NRL: variants seen among roughly 807,000 people sequenced by gnomAD.
NRL encodes neural retina leucine zipper.
A neutral mutation model predicts 12.5 loss-of-function variants in NRL; 16 were observed. The ratio of observed to expected loss-of-function variants is 1.28; its 90% CI spans 0.87 to 1.95. The LOEUF (loss-of-function observed/expected upper bound fraction) is 1.95. Among genes scored for constraint, NRL ranks in the 30% most tolerant of loss-of-function variants. NRL has a pLI of 0.00. For synonymous variants in NRL, 142 were observed against 150.9 expected (o/e 0.94, Z 0.43); for missense variants, 314 against 325.8 (o/e 0.96, Z 0.28).
At position 24,114,764 on chromosome 14, in the gene NRL, G is replaced by A; in HGVS notation, c.-70C>T. The A allele has an allele frequency of 2.0e-6, 2 of 985,960 alleles. No individual in the cohort carries two copies. The allele number at this position is 985,960 out of a possible 1,614,324, so 61.1% of individuals were successfully genotyped here. A position where few individuals can be genotyped will look rare whatever the true frequency, so the allele number is the denominator to read the frequency against. On this transcript the variant is annotated 5_prime_UTR_variant, in exon 1 of 3. Transcript: ENST00000561028. Reference sequence around the variant, plus strand: ...CCGCTGTCCAGTTGGCTGGCCAAGGGGGCGGGGCCGTCGTGTGACGTTTGC... The same window carrying A: ...CCGCTGTCCAGTTGGCTGGCCAAGGAGGCGGGGCCGTCGTGTGACGTTTGC...
chr14:24,083,780 T>A (rs2036393659), intron 1 of NRL, among the ~76,000 whole-genome samples: 1 of 152,206 alleles, frequency 6.6e-6, no homozygotes, highest in South Asian at 2.1e-4. Flanking sequence ...TATCCCTACC[T>A]CTTACAGATG....
Position 24,081,488 on chromosome 14 carries a change from GCGCCCGCAGCCCCGCAGCTGC to G in NRL, c.441_461del (p.Gln148_Arg154del), listed in dbSNP as rs1284047907. On this transcript the variant is annotated inframe_deletion, in exon 3 of 3. Transcript: ENST00000561028. The surrounding 1 kb of genome is among the most constrained non-coding windows in gnomAD (Gnocchi z 4.4). The stretch of plus-strand genomic sequence containing the variant: ...TCTGCTTCAGCCGCAGCGCCTCGTC[GCGCCCGCAGCCCCGCAGCTGC>G]CGGTTTAGCTCCCGCACAGACATCG... 6.3e-7 allele frequency: 1 copy of G among 1,595,846 alleles called. No homozygotes were observed. Among genetic ancestry groups the G allele is most frequent in the African/African-American group, 1.3e-5 (1 of 74,682 alleles).
intron 1 of NRL, among the ~76,000 whole-genome samples, chr14:24,104,640 C>CAAAAA (rs375795839): frequency 1.0e-4 from 11 of 105,832 alleles, no homozygotes; most frequent in African/African-American, 2.9e-4. Flanking sequence ...AACTCCGTCA[C>CAAAAA]AAAAAAAAAA....
At chr14:24,099,867 G>A (rs757536534) in intron 1 of NRL, 1 of 1,576,994 alleles carries the variant, frequency 6.3e-7, no homozygotes, top group Non-Finnish European at 8.7e-7. Context: ...AGCCACCCGA[G>A]AGACAGCCTT....
intron 1 of NRL, chr14:24,104,196 ATCT>A: frequency 3.7e-6 from 2 of 538,812 alleles, no homozygotes; most frequent in Non-Finnish European, 3.3e-6. Flanking sequence ...TCTCACAATC[ATCT>A]TCTTCCAGCC....
chr14:24,105,225 T>C (rs149694688), intron 1 of NRL, among the ~76,000 whole-genome samples: 2,979 of 152,348 alleles, frequency 0.02, 88 homozygotes, highest in African/African-American at 0.068. Context: ...CATGCTATTG[T>C]TTATGGTTTA....
chr14:24,100,379 A>G, intron 1 of NRL: 1 of 1,396,686 alleles, frequency 7.2e-7, no homozygotes, highest in Non-Finnish European at 9.5e-7. Context: ...TCATGTCCCA[A>G]CTCCACCAGT....
At chr14:24,111,764 C>T (rs2037423985) in intron 1 of NRL, among the ~76,000 whole-genome samples, 1 of 150,898 alleles carries the variant, frequency 6.6e-6, no homozygotes, top group South Asian at 2.1e-4. Flanking sequence ...TCTAGATAAA[C>T]AATCATGTCG....
intron 1 of NRL, chr14:24,095,481 G>A (rs548248744): frequency 3.4e-5 from 11 of 322,528 alleles, no homozygotes; most frequent in Non-Finnish European, 6.3e-5. Flanking sequence ...TCAAGCTCCC[G>A]TATCCATGCT....
At chr14:24,098,444 C>T (rs1313864726) in intron 1 of NRL, 1 of 1,613,590 alleles carries the variant, frequency 6.2e-7, no homozygotes, top group Admixed American at 1.7e-5. Flanking sequence ...AGGTTTGGAA[C>T]CCTTCATCCA....
At chr14:24,082,123 C>T (rs2036329658) in intron 2 of NRL, 1 of 1,227,522 alleles carries the variant, frequency 8.1e-7, no homozygotes, top group South Asian at 1.7e-5. Context: ...TAACCCAGCT[C>T]CACTCCACAC....
At chr14:24,103,526 C>A in intron 1 of NRL, 1 of 1,554,850 alleles carries the variant, frequency 6.4e-7, no homozygotes, top group Admixed American at 1.9e-5. Flanking sequence ...TCATCATGCA[C>A]GACCCATTTG....
At chr14:24,082,113 T>A (rs1197704577) in intron 2 of NRL, 4 of 1,234,730 alleles carry the variant, frequency 3.2e-6, no homozygotes, top group Non-Finnish European at 4.1e-6. Context: ...AAACCAGTCT[T>A]AACCCAGCTC....
rs369256201 is a variant in NRL at position 24,103,506 on chromosome 14, C to G, written c.-28+11216G>C. Reference sequence around the variant, plus strand: ...ATTCCTTACCCATCTTGCTTCCCCCCCAGGGAAGATCATCATGCACGACCC... The same window carrying G: ...ATTCCTTACCCATCTTGCTTCCCCCGCAGGGAAGATCATCATGCACGACCC... On this transcript the variant is annotated intron_variant, in intron 1 of 2. Transcript: ENST00000561028. 155 of 1,542,348 alleles carry G rather than the reference C, an allele frequency of 1.0e-4. No individual in the cohort carries two copies. Among genetic ancestry groups the G allele is most frequent in the Admixed American group, 3.5e-4 (18 of 50,986 alleles).
At chr14:24,106,505 GA>G (rs2037340997) in intron 1 of NRL, among the ~76,000 whole-genome samples, 1 of 152,190 alleles carries the variant, frequency 6.6e-6, no homozygotes, top group Non-Finnish European at 1.5e-5. Context: ...CAGATCACCT[GA>G]GGTCAGCAGT....
chr14:24,079,801 C>T lies in NRL; in HGVS notation c.*1435G>A, dbSNP rs1476374877. Among the ~76,000 whole-genome samples the T allele has an allele frequency of 1.3e-5, 2 of 152,176 alleles. No individual in the cohort carries two copies. Among genetic ancestry groups the T allele is most frequent in the Admixed American group, 1.3e-4 (2 of 15,290 alleles). ...CAACGCCTGTGCTCTGCCCAGAGGC[C>T]CCATCTGCCCTCCCCTTAGCCTGCT... On this transcript the variant is annotated 3_prime_UTR_variant, in exon 3 of 3. Transcript: ENST00000561028.
chr14:24,111,537 C>CT (rs552190577), intron 1 of NRL, among the ~76,000 whole-genome samples: 22,045 of 143,112 alleles, frequency 0.15, 2,535 homozygotes, highest in African/African-American at 0.34. Flanking sequence ...CCACACTCGG[C>CT]TTTTTTTTTT....
In NRL at chr14:24,085,954, C is replaced by T. The variant is rs368342247; in HGVS notation, c.-27-3079G>A. 1.3e-5 allele frequency among the ~76,000 whole-genome samples: 2 copies of T among 152,334 alleles called. No individual in the cohort carries two copies. Among genetic ancestry groups the T allele is most frequent in the East Asian group, 1.9e-4 (1 of 5,188 alleles). ...TGCTTGAAAGTTTAAAGGCCAGGCA[C>T]GCCTGTAATCCCAGCATTTTGGGAG... On this transcript the variant is annotated intron_variant, in intron 1 of 2. Coordinates refer to ENST00000561028, the MANE Select transcript of NRL (RefSeq NM_001354768.3). This position sits in a 1 kb window ranked among gnomAD's most constrained non-coding sequence, Gnocchi z 4.1.
intron 1 of NRL, among the ~76,000 whole-genome samples, chr14:24,113,340 G>A (rs1343606460): frequency 5.4e-5 from 8 of 147,146 alleles, no homozygotes; most frequent in Non-Finnish European, 1.2e-4. Flanking sequence ...TAACTAACCT[G>A]CACAATGTGC....
Sources: gnomAD v4.1 joint callset for allele counts (sites outside exome capture counted in the v4.1 genomes callset) on GRCh38, gnomAD v4.1.1 for gene constraint, Gnocchi (gnomAD v3.1) non-coding constraint, MANE v1.5 for transcripts, NCBI Gene and HGNC (gene_info 2026-07-23, HGNC 2026-07-21) for gene names.